Variants in SUSD6 observed in about 807,000 individuals in gnomAD.
SUSD6 encodes sushi domain containing 6.
SUSD6 carries 16 observed loss-of-function variants against 28.4 expected under a neutral mutation model. The ratio of observed to expected loss-of-function variants is 0.56; its 90% CI spans 0.38 to 0.86. SUSD6 has a LOEUF of 0.86. SUSD6 is among the 40% of genes least tolerant of loss of function. The pLI is 0.00. For synonymous variants in SUSD6, 147 were observed against 159.6 expected (o/e 0.92, Z 0.59); for missense variants, 341 against 384.2 (o/e 0.89, Z 0.94).
intron 1 of SUSD6, among the ~76,000 whole-genome samples, chr14:69,651,816 A>G (rs74060254): frequency 0.01 from 1,553 of 152,288 alleles, 27 homozygotes; most frequent in African/African-American, 0.035. Flanking sequence ...GGGAAGAAAG[A>G]GAGGTTAAGG....
At chr14:69,619,765 C>A (rs1251003346) in intron 1 of SUSD6, among the ~76,000 whole-genome samples, 1 of 151,956 alleles carries the variant, frequency 6.6e-6, no homozygotes, top group East Asian at 1.9e-4. Flanking sequence ...AGTTGAGACC[C>A]TGTCTCAAAA....
Position 69,708,669 on chromosome 14 carries a change from C to T in SUSD6, c.459-8C>T. The T allele has an allele frequency of 2.6e-6, 4 of 1,529,962 alleles. No individual in the cohort carries two copies. Among genetic ancestry groups the T allele is most frequent in the Non-Finnish European group, 3.5e-6 (4 of 1,137,458 alleles). The allele number at this position is 1,529,962 out of a possible 1,614,324, so 94.8% of individuals were successfully genotyped here. On this transcript the variant is annotated splice_region_variant and splice_polypyrimidine_tract_variant and intron_variant, in intron 4 of 5. Transcript: ENST00000342745. ...ATTCATCCTTTGTCTTTTCCTCCTC[C>T]ACTCCAGGCGTGACCAGGGGGTATC...
At chr14:69,702,974 A>G (rs779884023) in intron 2 of SUSD6, among the ~76,000 whole-genome samples, 1 of 152,266 alleles carries the variant, frequency 6.6e-6, no homozygotes, top group East Asian at 1.9e-4. Flanking sequence ...TTATTATACA[A>G]TAGAGTCTTT....
rs1239728019 is a variant in SUSD6 at position 69,714,152 on chromosome 14, GA to G, written c.*3174del. On this transcript the variant is annotated 3_prime_UTR_variant, in exon 6 of 6. Transcript: ENST00000342745. ...AATACAAGCACTCCATTTGCAAACA[GA>G]TCTTAAGCTAATATTTTCTTTCCCA... 1 of 152,172 alleles carries G rather than the reference GA, an allele frequency of 6.6e-6. No homozygotes were observed. The allele number at this position is 152,172 out of a possible 1,614,324, so 9.4% of individuals were successfully genotyped here.
chr14:69,636,317 C>T (rs1339837841), intron 1 of SUSD6, among the ~76,000 whole-genome samples: 4 of 152,210 alleles, frequency 2.6e-5, no homozygotes, highest in African/African-American at 7.2e-5. Context: ...GTGGCTCAGA[C>T]CCCTGGCTGA....
chr14:69,624,751 G>A (rs577681668), intron 1 of SUSD6, among the ~76,000 whole-genome samples: 2 of 152,178 alleles, frequency 1.3e-5, no homozygotes, highest in South Asian at 2.1e-4. Context: ...CACCGTGCCT[G>A]GCCGATACTT....
intron 1 of SUSD6, among the ~76,000 whole-genome samples, chr14:69,629,913 A>G (rs982076352): frequency 1.3e-5 from 2 of 152,176 alleles, no homozygotes; most frequent in Non-Finnish European, 2.9e-5. Flanking sequence ...ACCAGTTCCT[A>G]TTCTTTCTCA....
chr14:69,707,410 A>G (rs577131013), intron 4 of SUSD6, among the ~76,000 whole-genome samples: 1 of 152,378 alleles, frequency 6.6e-6, no homozygotes, highest in South Asian at 2.1e-4. Flanking sequence ...AAGAAGCCAG[A>G]AACAGATATA....
chr14:69,658,027 T>C (rs1010895785), intron 1 of SUSD6, among the ~76,000 whole-genome samples: 5 of 152,254 alleles, frequency 3.3e-5, no homozygotes, highest in African/African-American at 4.8e-5. Context: ...TTTGGCAGTT[T>C]AGCAAGCAGG....
chr14:69,654,165 C>G (rs539047203), intron 1 of SUSD6, among the ~76,000 whole-genome samples: 87 of 152,250 alleles, frequency 5.7e-4, no homozygotes, highest in Non-Finnish European at 9.9e-4. Context: ...CAAAAACAAA[C>G]AAAAAACCTA....
At chr14:69,671,095 T>A (rs1000303762) in intron 2 of SUSD6, among the ~76,000 whole-genome samples, 4 of 152,226 alleles carry the variant, frequency 2.6e-5, no homozygotes, top group African/African-American at 7.2e-5. Context: ...GAGATGCTGC[T>A]AGTGGAGGCA....
intron 2 of SUSD6, among the ~76,000 whole-genome samples, chr14:69,660,526 G>A (rs1020799346): frequency 1.2e-4 from 19 of 152,226 alleles, no homozygotes; most frequent in Admixed American, 1.1e-3. Flanking sequence ...ATGAAGCAGA[G>A]CCTCCTTTCA....
rs78437046 is a variant in SUSD6 at position 69,711,389 on chromosome 14, G to A, written c.*410G>A. ...CCCTGTCCAGTTTCCCTGTCATGCA[G>A]ACTTGTTGCTGTCCACAAGCCTTAG... is the stretch of plus-strand genomic sequence containing the variant. On this transcript the variant is annotated 3_prime_UTR_variant, in exon 6 of 6. Transcript: ENST00000342745. 2.1e-3 allele frequency: 460 copies of A among 215,914 alleles called. No homozygotes were observed. Among genetic ancestry groups the A allele is most frequent in the African/African-American group, 0.01 (442 of 43,546 alleles). 13.4% of individuals were successfully genotyped at this position (215,914 alleles called of 1,614,324 possible).
chr14:69,691,877 G>A lies in SUSD6; in HGVS notation c.122-11518G>A, dbSNP rs376238968. ...CAACATGGTGAAACCTGTCTCTACCGAAAATACAAAAATTAGCCCGGTGTG... is the reference window on the plus strand; with the variant it reads ...CAACATGGTGAAACCTGTCTCTACCAAAAATACAAAAATTAGCCCGGTGTG... On this transcript the variant is annotated intron_variant, in intron 2 of 5. Transcript: ENST00000342745. 2.2e-4 allele frequency among the ~76,000 whole-genome samples: 34 copies of A among 151,974 alleles called. 1 individual carries two copies. In the South Asian group the frequency reaches 6.7e-3, roughly 30 times the overall value.
intron 2 of SUSD6, among the ~76,000 whole-genome samples, chr14:69,701,434 C>T (rs187529199): frequency 1.4e-4 from 22 of 152,172 alleles, no homozygotes; most frequent in East Asian, 3.9e-4. Context: ...AATTATGCCA[C>T]GGAAATGAAC....
chr14:69,630,556 A>G (rs1012670029), intron 1 of SUSD6, among the ~76,000 whole-genome samples: 1 of 152,206 alleles, frequency 6.6e-6, no homozygotes, highest in Non-Finnish European at 1.5e-5. Flanking sequence ...TGGACATGTA[A>G]TGACGTCTGA....
At chr14:69,646,090 TCAC>T (rs940610007) in intron 1 of SUSD6, among the ~76,000 whole-genome samples, 2 of 152,162 alleles carry the variant, frequency 1.3e-5, no homozygotes, top group Non-Finnish European at 2.9e-5. Context: ...TAATCTGCCT[TCAC>T]CACTCCGATA....
At chr14:69,617,714 T>A (rs1399637589) in intron 1 of SUSD6, 1 of 152,256 alleles carries the variant, frequency 6.6e-6, no homozygotes, top group African/African-American at 2.4e-5. Context: ...GCCTTCCTTA[T>A]CAAATGTGAT....
intron 1 of SUSD6, among the ~76,000 whole-genome samples, chr14:69,618,301 C>A (rs944685870): frequency 3.9e-5 from 6 of 152,176 alleles, no homozygotes; most frequent in Admixed American, 1.3e-4. Context: ...TATGTTTAGA[C>A]CAGGGTCCCA....
Sources: allele counts gnomAD v4.1 joint callset (sites outside exome capture counted in the v4.1 genomes callset), GRCh38; gene constraint gnomAD v4.1.1; transcripts MANE v1.5; gene names NCBI Gene and HGNC (gene_info 2026-07-23, HGNC 2026-07-21).